ELF2: variants seen among roughly 807,000 people sequenced by gnomAD.
ELF2 encodes the protein ETS-related transcription factor Elf-2.
A neutral mutation model predicts 54.8 loss-of-function variants in ELF2; 11 were observed. The observed-to-expected ratio is 0.20, with a 90% CI of 0.13 to 0.33. The LOEUF (loss-of-function observed/expected upper bound fraction) is 0.33, where lower values mean the gene tolerates loss of function less well. ELF2 is among the 10% of genes least tolerant of loss of function. The pLI, the probability that ELF2 is intolerant of heterozygous loss-of-function variation, is 1.00. For missense variants in ELF2, 513 were observed against 703.0 expected, an observed-to-expected ratio of 0.73 and a Z score of 3.06; for synonymous variants, 203 against 245.1, an observed-to-expected ratio of 0.83 and a Z score of 1.61.
At position 139,100,866 on chromosome 4, in the gene ELF2, T is replaced by C. The variant is rs115970602; in HGVS notation, c.238+24298A>G. On this transcript the variant is annotated intron_variant, in intron 4 of 9. Transcript: ENST00000686138. ...TATGGTGAGCATAGATTGCTGGGGG[T>C]AGGAGGAGGAGGCAATAATGAAAAC... Among the ~76,000 whole-genome samples the C allele has an allele frequency of 3.5e-3, 531 of 152,062 alleles. 1 individual carries two copies. The highest frequency in any genetic ancestry group is 0.012 in the African/African-American group (493 of 41,464).
chr4:139,094,980 T>A (rs139289494), intron 4 of ELF2, among the ~76,000 whole-genome samples: 1,978 of 152,270 alleles, frequency 0.013, 25 homozygotes, highest in Middle Eastern at 0.031. Flanking sequence ...CTTAACAATG[T>A]TAACAGTTTA....
chr4:139,151,023 CAAAAA>C (rs79837347), intron 1 of ELF2, among the ~76,000 whole-genome samples: 24 of 48,326 alleles, frequency 5.0e-4, no homozygotes, highest in African/African-American at 2.3e-3. Context: ...GGCTCCATCT[CAAAAA>C]AAAAAAAGAA....
chr4:139,078,642 G>C (rs1730653728), intron 4 of ELF2, among the ~76,000 whole-genome samples: 1 of 150,318 alleles, frequency 6.7e-6, no homozygotes, highest in Admixed American at 6.7e-5. Context: ...AGATCAGCCA[G>C]AAATTAAGTT....
chr4:139,073,634 G>A, intron 4 of ELF2, 67 bp from the exon 5 acceptor site: 15 of 812,690 alleles, frequency 1.8e-5, no homozygotes, highest in South Asian at 1.0e-4. Context: ...ATATTACTAA[G>A]AAATAAACAT....
intron 4 of ELF2, among the ~76,000 whole-genome samples, chr4:139,121,168 G>C (rs1359997320): frequency 7.3e-6 from 1 of 137,264 alleles, no homozygotes; most frequent in Non-Finnish European, 1.5e-5. Flanking sequence ...GAGTGCAGTG[G>C]CGCGATCTCG....
In ELF2 at chr4:139,137,768, A is replaced by G. The variant is rs1235074082; in HGVS notation, c.-67T>C. 2.5e-6 allele frequency: 4 copies of G among 1,605,138 alleles called. No homozygotes were observed. Among genetic ancestry groups the G allele is most frequent in the Non-Finnish European group, 3.4e-6 (4 of 1,176,868 alleles). On this transcript the variant is annotated 5_prime_UTR_variant, in exon 3 of 10. Transcript: ENST00000686138. ...AATTAAAGGTTCACTGATGGTTGCC[A>G]GTGTTATAGGTTTGCATTATCATGT... is the stretch of plus-strand genomic sequence containing the variant.
At chr4:139,111,172 T>C (rs1197507773) in intron 4 of ELF2, among the ~76,000 whole-genome samples, 1 of 152,162 alleles carries the variant, frequency 6.6e-6, no homozygotes, top group East Asian at 1.9e-4. Context: ...CTATGACACC[T>C]AAGGCCTAGA....
intron 3 of ELF2, among the ~76,000 whole-genome samples, chr4:139,131,680 C>T (rs1435239276): frequency 6.6e-6 from 1 of 152,096 alleles, no homozygotes; most frequent in East Asian, 1.9e-4. Flanking sequence ...TCCCCTACCT[C>T]TCATGGTTTA....
At chr4:139,119,909 G>C (rs531056118) in intron 4 of ELF2, among the ~76,000 whole-genome samples, 8 of 152,194 alleles carry the variant, frequency 5.3e-5, no homozygotes, top group African/African-American at 1.9e-4. Flanking sequence ...GAGTAGCTGG[G>C]ATTACAGGCG....
chr4:139,077,569 G>A (rs1301954038), intron 4 of ELF2, among the ~76,000 whole-genome samples: 1 of 152,044 alleles, frequency 6.6e-6, no homozygotes, highest in African/African-American at 2.4e-5. Context: ...GTAAAAGTGA[G>A]CACTATCTTT....
chr4:139,094,205 A>G (rs1732997549), intron 4 of ELF2, among the ~76,000 whole-genome samples: 1 of 152,138 alleles, frequency 6.6e-6, no homozygotes, highest in Admixed American at 6.6e-5. Flanking sequence ...GGCAACTAAC[A>G]TCTTAAGAAA....
At chr4:139,104,547 T>C (rs535129310) in intron 4 of ELF2, among the ~76,000 whole-genome samples, 4 of 142,850 alleles carry the variant, frequency 2.8e-5, no homozygotes, top group South Asian at 4.5e-4. Flanking sequence ...AGAAAAAATA[T>C]AGGAATGTAA....
In ELF2 at chr4:139,059,173, T is replaced by C. The variant is rs1560744350; in HGVS notation, c.1592A>G (p.Lys531Arg). 1.2e-6 allele frequency: 2 copies of C among 1,613,876 alleles called. No homozygotes were observed. The highest frequency in any genetic ancestry group is 1.7e-6 in the Non-Finnish European group (2 of 1,179,880). ...TPPRVISAVI[K>R]GPEVKSEAVA... ...TGCTTCCGATTTAACCTCTGGCCCC[T>C]TTATGACTGCACTGATAACTCGAGG... is the stretch of plus-strand genomic sequence containing the variant. The change falls in exon 10 of 10, where the codon AAG becomes AGG. Residue 531 changes from lysine (K) to arginine (R), a missense_variant. Lys to Arg is a conservative substitution (Grantham distance 26, BLOSUM62 2). This residue lies in a region of ELF2 where 291 missense variants were observed against 366.1 expected (regional missense o/e 0.79). Transcript: ENST00000686138.
At chr4:139,078,348 T>C (rs1456884630) in intron 4 of ELF2, among the ~76,000 whole-genome samples, 2 of 152,216 alleles carry the variant, frequency 1.3e-5, no homozygotes, top group East Asian at 1.9e-4. Context: ...TATAAACTAA[T>C]AGTACAAGGT....
chr4:139,161,637 C>T (rs900894053), intron 1 of ELF2, among the ~76,000 whole-genome samples: 5 of 120,038 alleles, frequency 4.2e-5, no homozygotes, highest in African/African-American at 1.6e-4. Flanking sequence ...CACAAATAGT[C>T]TACGTAAAAC....
chr4:139,130,465 A>C lies in ELF2; in HGVS notation c.73-5136T>G, dbSNP rs144142325. ...GTGAACATTTCCAAGACTTTTGCTC[A>C]TGTTATTTTGTAGCCTTCACATCTG... On this transcript the variant is annotated intron_variant, in intron 3 of 9. Transcript: ENST00000686138. 6.4e-3 allele frequency among the ~76,000 whole-genome samples: 974 copies of C among 152,266 alleles called. 13 individuals are homozygous for C. Among genetic ancestry groups the C allele is most frequent in the African/African-American group, 0.023 (939 of 41,554 alleles).
intron 4 of ELF2, among the ~76,000 whole-genome samples, chr4:139,075,894 A>T (rs1321984881): frequency 6.6e-6 from 1 of 152,226 alleles, no homozygotes; most frequent in African/African-American, 2.4e-5. Flanking sequence ...AATATTTAAG[A>T]GTCTCTAACT....
chr4:139,176,397 GC>G (rs11286620), intron 1 of ELF2, among the ~76,000 whole-genome samples: 118,649 of 150,282 alleles, frequency 0.79, 47,793 homozygotes, highest in African/African-American at 0.93. Context: ...GGTGTCCAGC[GC>G]CCCCCCCCGC....
Position 139,157,810 on chromosome 4 carries a change from C to T in ELF2, c.-251-18313G>A, listed in dbSNP as rs144663917. On this transcript the variant is annotated intron_variant, in intron 1 of 9. Transcript: ENST00000686138. ...AGGTTCCCAGGCATAACCTAATCAA[C>T]GACGATTTGTTCAACCTGTTTTATG... Among the ~76,000 whole-genome samples, 267 of 152,294 alleles carry T rather than the reference C, an allele frequency of 1.8e-3. 1 individual carries two copies. The highest frequency in any genetic ancestry group is 3.4e-3 in the Middle Eastern group (1 of 294).
Sources: allele counts gnomAD v4.1 joint callset (sites outside exome capture counted in the v4.1 genomes callset), GRCh38; gene constraint gnomAD v4.1.1; regional missense constraint gnomAD v4.1.1; transcripts MANE v1.5; gene names NCBI Gene and HGNC (gene_info 2026-07-23, HGNC 2026-07-21).